Variants in PTPN11 observed in about 807,000 individuals in gnomAD.
PTPN11 encodes tyrosine-protein phosphatase non-receptor type 11.
In PTPN11, 6 loss-of-function variants were observed where a neutral mutation model predicts 78.8. The observed-to-expected ratio is 0.08, with a 90% CI of 0.04 to 0.15. The LOEUF (loss-of-function observed/expected upper bound fraction) is 0.15. PTPN11 is among the 10% of genes least tolerant of loss of function. The pLI, the probability that PTPN11 is intolerant of heterozygous loss-of-function variation, is 1.00. For missense variants in PTPN11, 386 were observed against 744.8 expected, an observed-to-expected ratio of 0.52 and a Z score of 5.61; for synonymous variants, 221 against 263.5, an observed-to-expected ratio of 0.84 and a Z score of 1.56.
chr12:112,484,547 C>T (rs1292193459), intron 10 of PTPN11, among the ~76,000 whole-genome samples: 2 of 152,014 alleles, frequency 1.3e-5, no homozygotes, highest in African/African-American at 4.8e-5. Flanking sequence ...GGTCTGGAGG[C>T]TACAGGAAGT....
chr12:112,422,941 C>G (rs558941595), intron 1 of PTPN11, among the ~76,000 whole-genome samples: 1 of 152,310 alleles, frequency 6.6e-6, no homozygotes, highest in African/African-American at 2.4e-5. Context: ...AGCTTATTCC[C>G]CTTCCCTCTG....
At chr12:112,502,746 AAAAATAAAAT>A (rs916788571) in intron 14 of PTPN11, among the ~76,000 whole-genome samples, 1 of 152,150 alleles carries the variant, frequency 6.6e-6, no homozygotes, top group African/African-American at 2.4e-5. Context: ...GCCTCTGTCT[AAAAATAAAAT>A]AAAATAAAAT....
intron 2 of PTPN11, among the ~76,000 whole-genome samples, chr12:112,447,799 C>CTTTTT (rs77664062): frequency 7.6e-6 from 1 of 131,730 alleles, no homozygotes; most frequent in East Asian, 2.2e-4. Context: ...CATGCCTGGC[C>CTTTTT]TTTTTTTTTT....
chr12:112,470,815 T>A (rs1399881201), intron 6 of PTPN11, among the ~76,000 whole-genome samples: 1 of 152,260 alleles, frequency 6.6e-6, no homozygotes, highest in Non-Finnish European at 1.5e-5. Flanking sequence ...TTGAAGTGAT[T>A]GATTCAGTTC....
chr12:112,424,788 C>T (rs2037580194), intron 1 of PTPN11, among the ~76,000 whole-genome samples: 1 of 152,032 alleles, frequency 6.6e-6, no homozygotes, highest in Non-Finnish European at 1.5e-5. Context: ...GCAACCTCTG[C>T]CTCCCAGGCT....
rs549588934 is a variant in PTPN11, at chr12:112,479,696, A to G, written c.1092+1681A>G. On this transcript the variant is annotated intron_variant, in intron 9 of 15. Coordinates refer to ENST00000351677, the MANE Select transcript of PTPN11 (RefSeq NM_002834.5). ...CCTTCATCCTCCTTTTTGCCTGATT[A>G]TAGCTATAGGAGGTTCACCTGTTCT... Among the ~76,000 whole-genome samples the G allele has an allele frequency of 6.6e-5, 10 of 152,256 alleles. No individual in the cohort carries two copies. The South Asian group carries it at 1.7e-3, about 25-fold the overall frequency.
chr12:112,436,682 T>A (rs1251447614), intron 1 of PTPN11, among the ~76,000 whole-genome samples: 2 of 152,102 alleles, frequency 1.3e-5, no homozygotes, highest in Non-Finnish European at 2.9e-5. Context: ...CCTTGGCATT[T>A]CATTGCTTTT....
At position 112,506,946 on chromosome 12, in the gene PTPN11, T is replaced by TTGATGATGATGATGA. The variant is rs80269561; in HGVS notation, c.*1187_*1201dup. 4 of 217,388 alleles carry TTGATGATGATGATGA rather than the reference T, an allele frequency of 1.8e-5. No homozygotes were observed. In the South Asian group the frequency reaches 2.7e-4, roughly 15 times the overall value. The allele number at this position is 217,388 out of a possible 1,614,324, so 13.5% of individuals were successfully genotyped here. A position where few individuals can be genotyped will look rare whatever the true frequency, so the allele number is the denominator to read the frequency against. On this transcript the variant is annotated 3_prime_UTR_variant, in exon 16 of 16. Transcript: ENST00000351677. The stretch of plus-strand genomic sequence containing the variant: ...ACAGTGTCCCTTCTACTTCCCTCTA[T>TTGATGATGATGATGA]TGATGATGATGATGATGATGATGAT...
intron 6 of PTPN11, among the ~76,000 whole-genome samples, chr12:112,469,993 T>C (rs2038389762): frequency 2.0e-5 from 3 of 152,062 alleles, no homozygotes; most frequent in African/African-American, 7.2e-5. Context: ...GCAATCATGG[T>C]TCCCTGCAGC....
chr12:112,461,533 C>T (rs1214871487), intron 6 of PTPN11, among the ~76,000 whole-genome samples: 1 of 151,950 alleles, frequency 6.6e-6, no homozygotes, highest in Admixed American at 6.6e-5. Flanking sequence ...CACTTTATTT[C>T]CCAGGCTGGT....
At position 112,419,235 on chromosome 12, in the gene PTPN11, G is replaced by A. The variant is rs889908203; in HGVS notation, c.14+110G>A. The A allele has an allele frequency of 7.5e-6, 9 of 1,204,016 alleles. No homozygotes were observed. The African/African-American group carries it at 1.3e-4, about 17-fold the overall frequency. The allele number at this position is 1,204,016 out of a possible 1,614,324, so 74.6% of individuals were successfully genotyped here. A position where few individuals can be genotyped will look rare whatever the true frequency, so the allele number is the denominator to read the frequency against. On this transcript the variant is annotated intron_variant, in intron 1 of 15. Transcript: ENST00000351677. ...GCCGGGCTTCGGGCTCCCGCCCCGG[G>A]TCGGGGTTGGGGGCCGGTTCCCTCC... is the stretch of plus-strand genomic sequence containing the variant.
rs1177861343 is a variant in PTPN11, at chr12:112,429,481, CTTTTTTT to C, written c.14+10375_14+10381del. Among the ~76,000 whole-genome samples the C allele has an allele frequency of 4.2e-4, 47 of 110,834 alleles. No individual in the cohort carries two copies. In the South Asian group the frequency reaches 5.4e-3, roughly 13 times the overall value. 72.7% of individuals were successfully genotyped at this position (110,834 alleles called of 152,430 possible). ...GTTTCACCTTTGGCAGTTGAAACTA[CTTTTTTT>C]TTTTTTTTTTTTTTTTTTAAGAGAC... is the stretch of plus-strand genomic sequence containing the variant. On this transcript the variant is annotated intron_variant, in intron 1 of 15. Transcript: ENST00000351677.
chr12:112,442,714 A>G (rs923853377), intron 1 of PTPN11, among the ~76,000 whole-genome samples: 7 of 149,840 alleles, frequency 4.7e-5, no homozygotes, highest in African/African-American at 1.7e-4. Context: ...CGCCTCCCAA[A>G]GTGCTGGGAT....
At position 112,456,008 on chromosome 12, in the gene PTPN11, G is replaced by C; in HGVS notation, c.701G>C (p.Ser234Thr). 6.2e-7 allele frequency: 1 copy of C among 1,613,302 alleles called. No homozygotes were observed. Among genetic ancestry groups the C allele is most frequent in the Non-Finnish European group, 8.5e-7 (1 of 1,179,560 alleles). ...ATAGAAAGCAGAGTTCGAGAACTAAGCAAATTAGCTGAGACCACAGATAAA... is the reference window on the plus strand; with the variant it reads ...ATAGAAAGCAGAGTTCGAGAACTAACCAAATTAGCTGAGACCACAGATAAA... ...AEIESRVRELSKLAETTDKVK... is the reference protein window; with the variant it reads ...AEIESRVRELTKLAETTDKVK... The change falls in exon 6 of 16, where the codon AGC (serine) becomes ACC (threonine). Residue 234 changes from serine to threonine, a missense_variant. By Grantham distance (58) the Ser-to-Thr change is moderately conservative (BLOSUM62 1). This residue lies in a region of PTPN11 where 279 missense variants were observed against 503.3 expected (regional missense o/e 0.55). Transcript: ENST00000351677.
intron 1 of PTPN11, among the ~76,000 whole-genome samples, chr12:112,429,508 A>G (rs1294996653): frequency 1.5e-5 from 2 of 132,952 alleles, no homozygotes; most frequent in African/African-American, 5.9e-5. Context: ...TTTTTTTTTA[A>G]GAGACAGGGT....
chr12:112,426,084 G>A (rs774128369), intron 1 of PTPN11, among the ~76,000 whole-genome samples: 2 of 152,144 alleles, frequency 1.3e-5, no homozygotes, highest in South Asian at 4.1e-4. Flanking sequence ...GGAGGAGGGG[G>A]ATGCATAGAT....
At chr12:112,470,168 C>T (rs982989209) in intron 6 of PTPN11, among the ~76,000 whole-genome samples, 5 of 152,108 alleles carry the variant, frequency 3.3e-5, no homozygotes, top group Non-Finnish European at 5.9e-5. Context: ...GCAAAAATAC[C>T]GATTTTGATT....
Position 112,506,993 on chromosome 12 carries a change from G to GATGAT in PTPN11, c.*1201_*1202insATGAT. The GATGAT allele has an allele frequency of 4.0e-6, 1 of 248,512 alleles. No homozygotes were observed. The highest frequency in any genetic ancestry group is 8.0e-6 in the Non-Finnish European group (1 of 125,486). The allele number at this position is 248,512 out of a possible 1,614,324, so 15.4% of individuals were successfully genotyped here. ...TGATGATGATGATGATGATGATGATGGTTTTTTCTAATCAGAAGAAAGCTG... is the reference window on the plus strand; with the variant it reads ...TGATGATGATGATGATGATGATGATGATGATGTTTTTTCTAATCAGAAGAAAGCTG... On this transcript the variant is annotated 3_prime_UTR_variant, in exon 16 of 16. Coordinates refer to ENST00000351677, the MANE Select transcript of PTPN11 (RefSeq NM_002834.5).
At chr12:112,423,848 G>C (rs1010196461) in intron 1 of PTPN11, among the ~76,000 whole-genome samples, 3 of 149,002 alleles carry the variant, frequency 2.0e-5, no homozygotes, top group Non-Finnish European at 4.4e-5. Flanking sequence ...CTGGGCTCAA[G>C]TGATCCTCCC....
Sources: allele counts gnomAD v4.1 joint callset (sites outside exome capture counted in the v4.1 genomes callset), GRCh38; gene constraint gnomAD v4.1.1; regional missense constraint gnomAD v4.1.1; transcripts MANE v1.5; gene names NCBI Gene and HGNC (gene_info 2026-07-23, HGNC 2026-07-21).